The following PEX10 variants were observed in gnomAD, a reference collection of about 807,000 sequenced individuals.
PEX10 encodes peroxisomal biogenesis factor 10.
PEX10 carries 32 observed loss-of-function variants against 38.0 expected under a neutral mutation model. That is an observed-to-expected ratio of 0.84 (90% CI 0.63 to 1.13). The LOEUF is 1.13. Ranked by LOEUF, PEX10 falls within the 50% of genes most tolerant of loss-of-function variation. The pLI, the probability that PEX10 is intolerant of heterozygous loss-of-function variation, is 0.00. For synonymous variants in PEX10, 206 were observed against 207.3 expected, an observed-to-expected ratio of 0.99 and a Z score of 0.05; for missense variants, 483 against 457.7, an observed-to-expected ratio of 1.06 and a Z score of -0.51.
At position 2,405,828 on chromosome 1, in the gene PEX10, A is replaced by T; in HGVS notation, c.919T>A (p.Cys307Ser). The change falls in exon 6 of 6, where the codon TGT (cysteine) becomes AGT (serine). Residue 307 changes from cysteine (C) to serine (S), a missense_variant. By Grantham distance (112) the Cys-to-Ser change is moderately radical. Transcript: ENST00000447513. ...ITAWCSSKAE[C>S]PLCREKFPPQ... ...GGGAACTTCTCCCGGCAGAGGGGACACTCCGCCTGCGGAGAGGAGAAAGGG... is the reference window on the plus strand; with the variant it reads ...GGGAACTTCTCCCGGCAGAGGGGACTCTCCGCCTGCGGAGAGGAGAAAGGG... 6.3e-7 allele frequency: 1 copy of T among 1,594,802 alleles called. No individual in the cohort carries two copies.
intron 1 of PEX10, among the ~76,000 whole-genome samples, chr1:2,412,013 C>T (rs1426070293): frequency 6.6e-6 from 1 of 152,244 alleles, no homozygotes; most frequent in African/African-American, 2.4e-5. Flanking sequence ...CCCCTCTGCT[C>T]ACAGGGGAGG....
Position 2,410,765 on chromosome 1 carries a change from G to C in PEX10, c.113-314C>G, listed in dbSNP as rs1268910607. Reference sequence around the variant, plus strand: ...ATGGTCTGGGGTATTAAGATTACAGGCCAGAGGCCAACTGTCTAGCATCAA... The same window carrying C: ...ATGGTCTGGGGTATTAAGATTACAGCCCAGAGGCCAACTGTCTAGCATCAA... On this transcript the variant is annotated intron_variant, in intron 1 of 5. Coordinates refer to ENST00000447513, the MANE Select transcript of PEX10 (RefSeq NM_002617.4). The surrounding 1 kb of genome is among the most constrained non-coding windows in gnomAD (Gnocchi z 5.1). The C allele has an allele frequency of 2.0e-6, 1 of 499,160 alleles. No homozygotes were observed. The highest frequency in any genetic ancestry group is 1.9e-5 in the African/African-American group (1 of 51,868). 30.9% of individuals were successfully genotyped at this position (499,160 alleles called of 1,614,324 possible).
At chr1:2,407,028 G>A (rs972451607) in intron 3 of PEX10, 133 bp from the exon 4 acceptor site, 21 of 1,281,512 alleles carry the variant, frequency 1.6e-5, no homozygotes, top group African/African-American at 4.4e-5. Flanking sequence ...GGGAGTGCCC[G>A]GCAGAAACGA....
In PEX10 at chr1:2,405,752, A is replaced by T. The variant is rs1190407579; in HGVS notation, c.*14T>A. On this transcript the variant is annotated 3_prime_UTR_variant, in exon 6 of 6. Transcript: ENST00000447513. ...GTAGAGGTCATCTGTGTCCAGGCCCACCCGGGCGCCGGCTCAGCGGTAGTG... is the reference window on the plus strand; with the variant it reads ...GTAGAGGTCATCTGTGTCCAGGCCCTCCCGGGCGCCGGCTCAGCGGTAGTG... 5 of 1,593,396 alleles carry T rather than the reference A, an allele frequency of 3.1e-6. No homozygotes were observed. The highest frequency in any genetic ancestry group is 3.4e-6 in the Non-Finnish European group (4 of 1,170,574).
rs142205326 is a variant in PEX10, at chr1:2,407,689, G to A, written c.600+763C>T. The stretch of plus-strand genomic sequence containing the variant: ...AAGACCTGACCATTGGCTCTGCGAC[G>A]AGGTCACGGTGGCCTCCTGTTTAGG... On this transcript the variant is annotated intron_variant, in intron 3 of 5. Transcript: ENST00000447513. Among the ~76,000 whole-genome samples, 525 of 152,322 alleles carry A rather than the reference G, an allele frequency of 3.4e-3. 2 individuals are homozygous for A. The highest frequency in any genetic ancestry group is 0.012 in the African/African-American group (502 of 41,586).
intron 1 of PEX10, among the ~76,000 whole-genome samples, chr1:2,411,857 C>T (rs550225118): frequency 1.3e-5 from 2 of 152,342 alleles, no homozygotes; most frequent in South Asian, 2.1e-4. Context: ...ACTCAGCTCC[C>T]GGCCTGGTGA....
Position 2,408,814 on chromosome 1 carries a change from C to A in PEX10, c.238G>T (p.Asp80Tyr). The change falls in exon 3 of 6, where the codon GAC becomes TAC. Residue 80 changes from aspartate to tyrosine, a missense_variant. By Grantham distance (160) the Asp-to-Tyr change is radical. Coordinates refer to ENST00000447513, the MANE Select transcript of PEX10 (RefSeq NM_002617.4). The part of the protein sequence containing the change: ...GEEYVSIIQV[D>Y]PSRIHVPSSL... ...GAGGGCACATGTATCCGCGATGGGTCCACCTGGATGATGCTGACGTACTCC... is the reference window on the plus strand; with the variant it reads ...GAGGGCACATGTATCCGCGATGGGTACACCTGGATGATGCTGACGTACTCC... The A allele has an allele frequency of 6.2e-7, 1 of 1,614,068 alleles. No homozygotes were observed. Among genetic ancestry groups the A allele is most frequent in the East Asian group, 2.2e-5 (1 of 44,880 alleles).
intron 1 of PEX10, among the ~76,000 whole-genome samples, chr1:2,411,907 G>C (rs1643242126): frequency 1.3e-5 from 2 of 152,268 alleles, no homozygotes; most frequent in South Asian, 4.1e-4. Context: ...GGGGTCAGCA[G>C]GGCGAGGGGC....
Position 2,404,741 on chromosome 1 carries a change from G to A in PEX10, c.*1025C>T, listed in dbSNP as rs1425438299. 1 of 152,298 alleles carries A rather than the reference G, an allele frequency of 6.6e-6. No homozygotes were observed. Among genetic ancestry groups the A allele is most frequent in the African/African-American group, 2.4e-5 (1 of 41,472 alleles). 9.4% of individuals were successfully genotyped at this position (152,298 alleles called of 1,614,324 possible). A position where few individuals can be genotyped will look rare whatever the true frequency, so the allele number is the denominator to read the frequency against. Reference sequence around the variant, plus strand: ...GTGTTTTACGTCAGCAGGGAAATGTGGCACACGCCCTCGAGGCATTTTAAC... The same window carrying A: ...GTGTTTTACGTCAGCAGGGAAATGTAGCACACGCCCTCGAGGCATTTTAAC... On this transcript the variant is annotated 3_prime_UTR_variant, in exon 6 of 6. Coordinates refer to ENST00000447513, the MANE Select transcript of PEX10 (RefSeq NM_002617.4).
upstream of PEX10, chr1:2,412,614 CA>C (rs531013743): frequency 4.7e-4 from 416 of 879,754 alleles, 2 homozygotes; most frequent in Middle Eastern, 6.3e-3. Context: ...ACCTCTGCGT[CA>C]AGGTGCTGGG....
Position 2,409,368 on chromosome 1 carries a change from G to T in PEX10, c.194-510C>A, listed in dbSNP as rs1382381788. On this transcript the variant is annotated intron_variant, in intron 2 of 5. Coordinates refer to ENST00000447513, the MANE Select transcript of PEX10 (RefSeq NM_002617.4). This position sits in a 1 kb window ranked among gnomAD's most constrained non-coding sequence, Gnocchi z 6.2. ...TCCACCCCTGCCGAGACAGCTTTCA[G>T]CGCCCCCACCCAGAAAAGCCTGCTC... Among the ~76,000 whole-genome samples, 1 of 152,118 alleles carries T rather than the reference G, an allele frequency of 6.6e-6. No individual in the cohort carries two copies. Among genetic ancestry groups the T allele is most frequent in the African/African-American group, 2.4e-5 (1 of 41,410 alleles).
At chr1:2,408,327 C>T (rs1054757339) in intron 3 of PEX10, 125 bp downstream of exon 3, 2 of 1,065,136 alleles carry the variant, frequency 1.9e-6, no homozygotes, top group Non-Finnish European at 1.4e-6. Context: ...TGCCTTGACA[C>T]AGATGCTGGA....
At position 2,412,436 on chromosome 1, in the gene PEX10, C is replaced by T; in HGVS notation, c.67G>A (p.Gly23Ser). The stretch of plus-strand genomic sequence containing the variant: ...CCGCCCGCCGCGCTCCGCAGCCCAC[C>T]GCGGTAGTACTCGTCCTTCTGCGCC... ...RAAQKDEYYR[G>S]GLRSAAGGAL... Residue 23 changes from glycine (G) to serine (S), a missense_variant, in exon 1 of 6, where the codon GGT (glycine) becomes AGT (serine). Transcript: ENST00000447513. The T allele has an allele frequency of 1.4e-6, 2 of 1,426,476 alleles. No individual in the cohort carries two copies. The highest frequency in any genetic ancestry group is 1.8e-6 in the Non-Finnish European group (2 of 1,094,192). The allele number at this position is 1,426,476 out of a possible 1,614,324, so 88.4% of individuals were successfully genotyped here.
At chr1:2,411,729 G>A (rs1643231324) in intron 1 of PEX10, among the ~76,000 whole-genome samples, 2 of 152,002 alleles carry the variant, frequency 1.3e-5, no homozygotes, top group Admixed American at 6.6e-5. Context: ...GTAGAGACGG[G>A]GTCTTGCCAT....
chr1:2,413,439 A>G (rs966581754), upstream of PEX10, among the ~76,000 whole-genome samples: 1 of 152,096 alleles, frequency 6.6e-6, no homozygotes, highest in East Asian at 1.9e-4. Context: ...AGGGGACAGA[A>G]CCTTCCCCAG....
At position 2,410,711 on chromosome 1, in the gene PEX10, T is replaced by C. The variant is rs920359696; in HGVS notation, c.113-260A>G. On this transcript the variant is annotated intron_variant, in intron 1 of 5. Transcript: ENST00000447513. This position sits in a 1 kb window ranked among gnomAD's most constrained non-coding sequence, Gnocchi z 5.1. ...CTCCGGGATTCCCCTGAGCAACTGT[T>C]CTAGGGCCTATGAGGGCCACATGGA... is the stretch of plus-strand genomic sequence containing the variant. 6 of 571,682 alleles carry C rather than the reference T, an allele frequency of 1.0e-5. No homozygotes were observed. Among genetic ancestry groups the C allele is most frequent in the Non-Finnish European group, 2.0e-5 (6 of 302,054 alleles). The allele number at this position is 571,682 out of a possible 1,614,324, so 35.4% of individuals were successfully genotyped here.
chr1:2,412,313 C>G, intron 1 of PEX10, 78 bp downstream of exon 1: 1 of 1,283,942 alleles, frequency 7.8e-7, no homozygotes, highest in Non-Finnish European at 9.9e-7. Context: ...TGACCACACA[C>G]GGCAGACACC....
At chr1:2,411,476 AC>A (rs1444333763) in intron 1 of PEX10, among the ~76,000 whole-genome samples, 2 of 144,650 alleles carry the variant, frequency 1.4e-5, no homozygotes, top group African/African-American at 5.1e-5. Flanking sequence ...CAAGTGATCC[AC>A]CCGCCTCGGC....
In PEX10 at chr1:2,404,682, CG is replaced by C. The variant is rs1642939016; in HGVS notation, c.*1083del. The C allele has an allele frequency of 6.6e-6, 1 of 152,240 alleles. No individual in the cohort carries two copies. The highest frequency in any genetic ancestry group is 1.5e-5 in the Non-Finnish European group (1 of 68,038). 9.4% of individuals were successfully genotyped at this position (152,240 alleles called of 1,614,324 possible). A position where few individuals can be genotyped will look rare whatever the true frequency, so the allele number is the denominator to read the frequency against. Reference sequence around the variant, plus strand: ...GTCAAACAGCAAGACATGGTTTGCGCGGGTCTTTGCCGGAAGCCGGTCCTGC... The same window carrying C: ...GTCAAACAGCAAGACATGGTTTGCGCGGTCTTTGCCGGAAGCCGGTCCTGC... On this transcript the variant is annotated 3_prime_UTR_variant, in exon 6 of 6. Transcript: ENST00000447513.
Sources: allele counts gnomAD v4.1 joint callset (sites outside exome capture counted in the v4.1 genomes callset), GRCh38; gene constraint gnomAD v4.1.1; non-coding constraint Gnocchi (gnomAD v3.1); transcripts MANE v1.5; gene names NCBI Gene and HGNC (gene_info 2026-07-23, HGNC 2026-07-21).